HDGFL2: variants seen among roughly 807,000 people sequenced by gnomAD.
HDGFL2 encodes HDGF like 2, also known as hepatoma-derived growth factor-related protein 2.
In HDGFL2, 36 loss-of-function variants were observed where a neutral mutation model predicts 77.1. The observed-to-expected ratio is 0.47, with a 90% CI of 0.36 to 0.62. The LOEUF (loss-of-function observed/expected upper bound fraction) is 0.62, where lower values mean the gene tolerates loss of function less well. Among genes scored for constraint, HDGFL2 ranks in the 20% least tolerant of loss-of-function variants. The probability of loss-of-function intolerance (pLI) is 0.00; values close to 1 mark genes in which losing one functional copy is unlikely to be tolerated. For synonymous variants in HDGFL2, 463 were observed against 413.1 expected, an observed-to-expected ratio of 1.12 and a Z score of -1.46; for missense variants, 976 against 973.4, an observed-to-expected ratio of 1.00 and a Z score of -0.04.
chr19:4,484,821 G>A (rs922033072), intron 3 of HDGFL2, among the ~76,000 whole-genome samples: 1 of 152,006 alleles, frequency 6.6e-6, no homozygotes, highest in East Asian at 1.9e-4. Flanking sequence ...ACAGGCACCC[G>A]CCACCATGCC....
intron 11 of HDGFL2, 31 bp downstream of exon 11, chr19:4,498,062 C>A: frequency 6.6e-7 from 1 of 1,522,900 alleles, no homozygotes; most frequent in Non-Finnish European, 8.9e-7. Context: ...ACTGCCCACA[C>A]TGAGTTCACT....
chr19:4,498,383 C>A lies in HDGFL2; in HGVS notation c.1473+7C>A. The A allele has an allele frequency of 6.2e-7, 1 of 1,610,086 alleles. No homozygotes were observed. The highest frequency in any genetic ancestry group is 2.2e-5 in the East Asian group (1 of 44,854). On this transcript the variant is annotated splice_region_variant and intron_variant, in intron 12 of 15. Coordinates refer to ENST00000616600, the MANE Select transcript of HDGFL2 (RefSeq NM_001001520.3). ...CCTAAAGGTCGACAGCCCGGTAAGACCCTCAGGGCCTGTGAGCCAAGCAGT... is the reference window on the plus strand; with the variant it reads ...CCTAAAGGTCGACAGCCCGGTAAGAACCTCAGGGCCTGTGAGCCAAGCAGT...
At chr19:4,497,533 A>G (rs778528490) in intron 10 of HDGFL2, 6 of 299,754 alleles carry the variant, frequency 2.0e-5, no homozygotes, top group Non-Finnish European at 3.2e-5. Flanking sequence ...GAGTGGGCAA[A>G]CCTGCCCATG....
intron 3 of HDGFL2, among the ~76,000 whole-genome samples, chr19:4,478,907 ACTC>A (rs1975141435): frequency 6.7e-6 from 1 of 148,382 alleles, no homozygotes; most frequent in Admixed American, 6.7e-5. Flanking sequence ...CTGGTCTCGA[ACTC>A]CTGACCTCAT....
intron 3 of HDGFL2, among the ~76,000 whole-genome samples, chr19:4,488,162 G>C (rs909759101): frequency 6.6e-6 from 1 of 152,122 alleles, no homozygotes; most frequent in Admixed American, 6.6e-5. Flanking sequence ...GTAGAGACAG[G>C]GTTTTGCCAT....
intron 13 of HDGFL2, among the ~76,000 whole-genome samples, chr19:4,499,206 TGTG>T (rs1415717886): frequency 6.6e-6 from 1 of 151,232 alleles, no homozygotes; most frequent in Non-Finnish European, 1.5e-5. Flanking sequence ...ATTAGCCAGG[TGTG>T]GTGGCGCACG....
Position 4,500,483 on chromosome 19 carries a change from C to T in HDGFL2, c.1790-708C>T, listed in dbSNP as rs1471719806. 5.4e-4 allele frequency among the ~76,000 whole-genome samples: 64 copies of T among 118,170 alleles called. 1 individual carries two copies. The highest frequency in any genetic ancestry group is 5.7e-3 in the Middle Eastern group (1 of 174). 77.5% of individuals were successfully genotyped at this position (118,170 alleles called of 152,430 possible). A position where few individuals can be genotyped will look rare whatever the true frequency, so the allele number is the denominator to read the frequency against. ...TTTTTTTTTTTTTTTTTTTTTGAGA[C>T]GGAGTCTTGCTCTGTCCCCCAGGCT... is the stretch of plus-strand genomic sequence containing the variant. On this transcript the variant is annotated intron_variant, in intron 14 of 15. Transcript: ENST00000616600.
chr19:4,501,007 G>A (rs1242951258), intron 14 of HDGFL2, among the ~76,000 whole-genome samples, 184 bp from the exon 15 acceptor site: 1 of 152,232 alleles, frequency 6.6e-6, no homozygotes, highest in Non-Finnish European at 1.5e-5. Context: ...CTCGGGCTGG[G>A]GCTGGCTGCA....
intron 10 of HDGFL2, 66 bp downstream of exon 10, chr19:4,496,471 C>T (rs1975706011): frequency 8.1e-6 from 10 of 1,236,068 alleles, no homozygotes; most frequent in Non-Finnish European, 1.1e-5. Flanking sequence ...ACAACCCTCA[C>T]CCCTCACAGG....
intron 3 of HDGFL2, among the ~76,000 whole-genome samples, chr19:4,479,072 A>T (rs996605735): frequency 4.6e-5 from 7 of 151,388 alleles, no homozygotes; most frequent in African/African-American, 1.7e-4. Flanking sequence ...CACGCCTGTA[A>T]CCTCAGCACT....
At chr19:4,496,935 G>T (rs867944669) in intron 10 of HDGFL2, 2 of 399,786 alleles carry the variant, frequency 5.0e-6, no homozygotes, top group Non-Finnish European at 9.9e-6. Flanking sequence ...GTGCAATGGC[G>T]TGATCTCAGC....
intron 4 of HDGFL2, among the ~76,000 whole-genome samples, chr19:4,489,930 C>T (rs1975463375): frequency 6.6e-6 from 1 of 152,146 alleles, no homozygotes. Context: ...GCCCCTGGCA[C>T]CCACACATCC....
intron 10 of HDGFL2, 42 bp downstream of exon 10, chr19:4,496,447 C>T (rs1472107372): frequency 7.0e-7 from 1 of 1,420,372 alleles, no homozygotes; most frequent in Non-Finnish European, 9.8e-7. Flanking sequence ...GGGCCCCGCA[C>T]CCCGCATCAC....
chr19:4,496,375 G>A lies in HDGFL2; in HGVS notation c.1298G>A (p.Arg433Lys). The A allele has an allele frequency of 6.2e-7, 1 of 1,614,014 alleles. No individual in the cohort carries two copies. The highest frequency in any genetic ancestry group is 8.5e-7 in the Non-Finnish European group (1 of 1,179,934). The change falls in exon 10 of 16, where the codon AGA becomes AAA. Residue 433 changes from arginine (R) to lysine (K), a missense_variant. This residue lies in a region of HDGFL2 where 567 missense variants were observed against 534.7 expected (regional missense o/e 1.06). Transcript: ENST00000616600. ...PARKPGQKEK[R>K]VRPEEKQQAK... ...AGGAAACCTGGCCAGAAGGAGAAGA[G>A]AGTGCGGCCCGAGGAGAAGCAACAA...
chr19:4,484,396 AT>A (rs967233221), intron 3 of HDGFL2, among the ~76,000 whole-genome samples: 15 of 151,778 alleles, frequency 9.9e-5, no homozygotes, highest in Non-Finnish European at 1.6e-4. Context: ...TTTTATTATT[AT>A]TTTTTTTCCC....
intron 1 of HDGFL2, among the ~76,000 whole-genome samples, chr19:4,473,844 T>C (rs1358318943): frequency 6.6e-6 from 1 of 151,660 alleles, no homozygotes; most frequent in Non-Finnish European, 1.5e-5. Context: ...TTGGAGGGAC[T>C]TGAGGGTGGG....
Position 4,499,497 on chromosome 19 carries a change from C to A in HDGFL2, c.1582C>A (p.Arg528Ser). The change falls in exon 14 of 16, where the codon CGT becomes AGT. Residue 528 changes from arginine (R) to serine (S), a missense_variant. Arg to Ser is a moderately radical substitution (Grantham distance 110). Coordinates refer to ENST00000616600, the MANE Select transcript of HDGFL2 (RefSeq NM_001001520.3). ...CTCTTCTCTTGGTGGCCAGATTCGC[C>A]GTTACAAAGCGAACAAGGACGTAAT... ...DVVATLKKIR[R>S]YKANKDVMEK... The A allele has an allele frequency of 6.2e-7, 1 of 1,612,950 alleles. No homozygotes were observed. Among genetic ancestry groups the A allele is most frequent in the South Asian group, 1.1e-5 (1 of 90,926 alleles).
At chr19:4,472,453 G>GC in intron 1 of HDGFL2, 31 bp downstream of exon 1, 1 of 478,260 alleles carries the variant, frequency 2.1e-6, no homozygotes, top group Non-Finnish European at 3.3e-6. Context: ...GGGCCGGTGG[G>GC]GGGGGGGGGG....
At chr19:4,474,488 G>A (rs1975021132) in intron 1 of HDGFL2, among the ~76,000 whole-genome samples, 2 of 152,120 alleles carry the variant, frequency 1.3e-5, no homozygotes, top group South Asian at 4.1e-4. Flanking sequence ...AAGGAAGCTG[G>A]GTGAGTGGGG....
Sources: gnomAD v4.1 joint callset for allele counts (sites outside exome capture counted in the v4.1 genomes callset) on GRCh38, gnomAD v4.1.1 for gene constraint, gnomAD v4.1.1 regional missense constraint, MANE v1.5 for transcripts, NCBI Gene and HGNC (gene_info 2026-07-23, HGNC 2026-07-21) for gene names.